ONECUT2: variants seen among roughly 807,000 people sequenced by gnomAD.
ONECUT2 encodes the protein one cut domain family member 2.
ONECUT2 carries 10 observed loss-of-function variants against 27.9 expected under a neutral mutation model. That is an observed-to-expected ratio of 0.36 (90% CI 0.22 to 0.61). The LOEUF (loss-of-function observed/expected upper bound fraction) is 0.61, where lower values mean the gene tolerates loss of function less well. Ranked by LOEUF, ONECUT2 falls within the 20% of genes least tolerant of loss-of-function variation. ONECUT2 has a pLI of 0.73. For missense variants in ONECUT2, 686 were observed against 721.0 expected, an observed-to-expected ratio of 0.95 and a Z score of 0.56; for synonymous variants, 334 against 315.1, an observed-to-expected ratio of 1.06 and a Z score of -0.64.
intron 1 of ONECUT2, among the ~76,000 whole-genome samples, chr18:57,440,635 G>A (rs928142476): frequency 6.6e-6 from 1 of 152,340 alleles, no homozygotes; most frequent in East Asian, 1.9e-4. Flanking sequence ...CCTGATGCCC[G>A]CAGCGGCGGG....
At chr18:57,439,418 TTA>T (rs775239831) in intron 1 of ONECUT2, among the ~76,000 whole-genome samples, 11 of 152,366 alleles carry the variant, frequency 7.2e-5, no homozygotes, top group Non-Finnish European at 1.3e-4. Flanking sequence ...TGTGTCTGTT[TTA>T]TTACCCTGGG....
At position 57,436,886 on chromosome 18, in the gene ONECUT2, G is replaced by C. The variant is rs767355563; in HGVS notation, c.1170G>C (p.Arg390Ser). The C allele has an allele frequency of 1.9e-6, 3 of 1,613,522 alleles. No homozygotes were observed. The highest frequency in any genetic ancestry group is 1.1e-5 in the South Asian group (1 of 91,018). ...AATCTGGCAGGGAGACCTTCCGCAG[G>C]ATGTGGAAGTGGCTTCAGGAGCCCG... ...KLKSGRETFR[R>S]MWKWLQEPEF... Residue 390 changes from arginine to serine, a missense_variant, in exon 1 of 2, where the codon AGG becomes AGC. By Grantham distance (110) the Arg-to-Ser change is moderately radical (BLOSUM62 -1). Around this residue, in one of 4 missense-constraint regions of ONECUT2, gnomAD observed 47 missense variants for 86.0 expected, o/e 0.55. Transcript: ENST00000491143. The surrounding 1 kb of genome is among the most constrained non-coding windows in gnomAD (Gnocchi z 5.9).
At chr18:57,465,728 G>C (rs912785038) in intron 1 of ONECUT2, among the ~76,000 whole-genome samples, 5 of 152,148 alleles carry the variant, frequency 3.3e-5, no homozygotes, top group Non-Finnish European at 7.3e-5. Flanking sequence ...CAAATGAGAA[G>C]AGACCCATTC....
intron 1 of ONECUT2, among the ~76,000 whole-genome samples, chr18:57,438,301 T>G (rs1382780602): frequency 1.3e-5 from 2 of 152,184 alleles, no homozygotes; most frequent in East Asian, 3.9e-4. Context: ...CGACTTCCCA[T>G]GGATCGGGTG....
At position 57,467,368 on chromosome 18, in the gene ONECUT2, G is replaced by GT. The variant is rs1568123605; in HGVS notation, c.1229-9066dup. 4.2e-4 allele frequency: 136 copies of GT among 325,428 alleles called. 1 individual carries two copies. Among genetic ancestry groups the GT allele is most frequent in the African/African-American group, 2.6e-3 (120 of 45,446 alleles). The allele number at this position is 325,428 out of a possible 1,614,324, so 20.2% of individuals were successfully genotyped here. On this transcript the variant is annotated intron_variant, in intron 1 of 1. Transcript: ENST00000491143. ...TGGTTTTTTTTTTGTTTGTTTGTTT[G>GT]TTTGTTTTTTTTCCTAAGACAGAGC... is the stretch of plus-strand genomic sequence containing the variant.
chr18:57,436,299 T>C lies in ONECUT2; in HGVS notation c.583T>C (p.Phe195Leu), dbSNP rs190884012. The C allele has an allele frequency of 1.2e-6, 2 of 1,604,052 alleles. No homozygotes were observed. The highest frequency in any genetic ancestry group is 8.5e-7 in the Non-Finnish European group (1 of 1,179,574). ...CCTGTCCGGCAACGTCAGCGGCAGC[T>C]TCACCCTCATGCGCGACGAGCGCGG... ...QRLSGNVSGS[F>L]TLMRDERGLP... is the part of the protein sequence containing the mutation. Residue 195 changes from phenylalanine to leucine, a missense_variant, in exon 1 of 2, where the codon TTC (phenylalanine) becomes CTC (leucine). Phe to Leu is a conservative substitution (Grantham distance 22). Coordinates refer to ENST00000491143, the MANE Select transcript of ONECUT2 (RefSeq NM_004852.3). The surrounding 1 kb of genome is among the most constrained non-coding windows in gnomAD (Gnocchi z 5.9).
chr18:57,460,275 C>T (rs1015138920), intron 1 of ONECUT2, among the ~76,000 whole-genome samples: 1 of 152,080 alleles, frequency 6.6e-6, no homozygotes, highest in Non-Finnish European at 1.5e-5. Context: ...TCTGAAGTTG[C>T]TTTTTATAAA....
In ONECUT2 at chr18:57,490,644, A is replaced by G. The variant is rs1303405835; in HGVS notation, c.*13921A>G. The G allele has an allele frequency of 1.3e-5, 2 of 152,212 alleles. No homozygotes were observed. The highest frequency in any genetic ancestry group is 2.9e-5 in the Non-Finnish European group (2 of 68,050). The allele number at this position is 152,212 out of a possible 1,614,324, so 9.4% of individuals were successfully genotyped here. ...TTCCAGGTAGCTATTCTAGAAACTC[A>G]GTCCTTTGTGGAAACCCAACTACCT... is the stretch of plus-strand genomic sequence containing the variant. On this transcript the variant is annotated 3_prime_UTR_variant, in exon 2 of 2. Coordinates refer to ENST00000491143, the MANE Select transcript of ONECUT2 (RefSeq NM_004852.3).
In ONECUT2 at chr18:57,486,985, T is replaced by G. The variant is rs2122168521; in HGVS notation, c.*10262T>G. The G allele has an allele frequency of 6.5e-6, 1 of 152,774 alleles. No individual in the cohort carries two copies. Among genetic ancestry groups the G allele is most frequent in the Admixed American group, 6.5e-5 (1 of 15,296 alleles). 9.5% of individuals were successfully genotyped at this position (152,774 alleles called of 1,614,324 possible). A position where few individuals can be genotyped will look rare whatever the true frequency, so the allele number is the denominator to read the frequency against. ...GGTCTTAATAGCAACATTTTTCATT[T>G]TGAACTAGATCTTCCCCTTTGGTTC... On this transcript the variant is annotated 3_prime_UTR_variant, in exon 2 of 2. Coordinates refer to ENST00000491143, the MANE Select transcript of ONECUT2 (RefSeq NM_004852.3).
At chr18:57,451,148 T>C (rs2050227965) in intron 1 of ONECUT2, among the ~76,000 whole-genome samples, 1 of 152,258 alleles carries the variant, frequency 6.6e-6, no homozygotes, top group African/African-American at 2.4e-5. Context: ...TCGTGATATT[T>C]CATCTTTTTT....
At chr18:57,452,568 G>T (rs1455272233) in intron 1 of ONECUT2, among the ~76,000 whole-genome samples, 1 of 152,114 alleles carries the variant, frequency 6.6e-6, no homozygotes, top group Non-Finnish European at 1.5e-5. Context: ...GGGATTACAG[G>T]TGCCCACCAC....
chr18:57,468,683 C>G (rs559172644), intron 1 of ONECUT2, among the ~76,000 whole-genome samples: 2 of 152,264 alleles, frequency 1.3e-5, no homozygotes, highest in Admixed American at 1.3e-4. Flanking sequence ...GTGTGTTAGG[C>G]CCCCTGCTCC....
chr18:57,467,510 C>T (rs1412480301), intron 1 of ONECUT2, among the ~76,000 whole-genome samples: 3 of 148,828 alleles, frequency 2.0e-5, no homozygotes, highest in East Asian at 4.0e-4. Flanking sequence ...GGATTACAGG[C>T]ACACGCCACC....
intron 1 of ONECUT2, among the ~76,000 whole-genome samples, chr18:57,468,232 G>T (rs1307872965): frequency 1.1e-4 from 17 of 152,202 alleles, no homozygotes; most frequent in Admixed American, 1.1e-3. Flanking sequence ...TCCGCTGCCT[G>T]TCTGTATTGG....
intron 1 of ONECUT2, among the ~76,000 whole-genome samples, chr18:57,455,610 A>G (rs2050254812): frequency 6.6e-6 from 1 of 152,204 alleles, no homozygotes; most frequent in Admixed American, 6.5e-5. Flanking sequence ...TTGCAGCTCT[A>G]TTCCCTGAGT....
In ONECUT2 at chr18:57,435,697, C is replaced by G; in HGVS notation, c.-20C>G. 1 of 1,110,754 alleles carries G rather than the reference C, an allele frequency of 9.0e-7. No homozygotes were observed. The highest frequency in any genetic ancestry group is 1.1e-6 in the Non-Finnish European group (1 of 894,036). The allele number at this position is 1,110,754 out of a possible 1,614,324, so 68.8% of individuals were successfully genotyped here. ...GGCCGCCCCCGCCGCCCCCGCCGCC[C>G]CCGGGCCCTGATGGACTGAATGAAG... On this transcript the variant is annotated 5_prime_UTR_variant, in exon 1 of 2. Transcript: ENST00000491143.
At position 57,490,793 on chromosome 18, in the gene ONECUT2, ACTTTT is replaced by A. The variant is rs1169882750; in HGVS notation, c.*14077_*14081del. The A allele has an allele frequency of 6.6e-6, 1 of 152,368 alleles. No individual in the cohort carries two copies. The highest frequency in any genetic ancestry group is 1.5e-5 in the Non-Finnish European group (1 of 68,010). 9.4% of individuals were successfully genotyped at this position (152,368 alleles called of 1,614,324 possible). ...AGAAAATCGTAGGGAAAAACTTTAAACTTTTCTTTTCAGTTGATCCCTTTGACATC... is the reference window on the plus strand; with the variant it reads ...AGAAAATCGTAGGGAAAAACTTTAAACTTTTCAGTTGATCCCTTTGACATC... On this transcript the variant is annotated 3_prime_UTR_variant, in exon 2 of 2. Transcript: ENST00000491143.
chr18:57,476,505 T>A lies in ONECUT2; in HGVS notation c.1297T>A (p.Phe433Ile). 1 of 1,614,188 alleles carries A rather than the reference T, an allele frequency of 6.2e-7. No individual in the cohort carries two copies. Among genetic ancestry groups the A allele is most frequent in the East Asian group, 2.2e-5 (1 of 44,882 alleles). The change falls in exon 2 of 2, where the codon TTC becomes ATC. Residue 433 changes from phenylalanine (F) to isoleucine (I), a missense_variant. Coordinates refer to ENST00000491143, the MANE Select transcript of ONECUT2 (RefSeq NM_004852.3). ...NNSQKKSRLV[F>I]TDLQRRTLFA... is the part of the protein sequence containing the mutation. ...TTCCCAGAAGAAGTCCCGCCTGGTG[T>A]TCACTGACCTCCAACGCCGAACACT... is the stretch of plus-strand genomic sequence containing the variant.
chr18:57,441,543 C>G (rs1023738735), intron 1 of ONECUT2, among the ~76,000 whole-genome samples: 3 of 152,274 alleles, frequency 2.0e-5, no homozygotes, highest in Non-Finnish European at 4.4e-5. Context: ...CGCCCCTGTG[C>G]GCACACACCG....
Sources: gnomAD v4.1 joint callset for allele counts (sites outside exome capture counted in the v4.1 genomes callset) on GRCh38, gnomAD v4.1.1 for gene constraint, gnomAD v4.1.1 regional missense constraint, Gnocchi (gnomAD v3.1) non-coding constraint, MANE v1.5 for transcripts, NCBI Gene and HGNC (gene_info 2026-07-23, HGNC 2026-07-21) for gene names.